RBM47: variants seen among roughly 807,000 people sequenced by gnomAD.
RBM47 encodes RNA-binding protein 47.
In RBM47, 21 loss-of-function variants were observed where a neutral mutation model predicts 47.1. The observed-to-expected ratio is 0.45, with a 90% CI of 0.32 to 0.64. The LOEUF is 0.64. RBM47 is among the 30% of genes least tolerant of loss of function. The pLI is 0.05. For synonymous variants in RBM47, 375 were observed against 361.7 expected, an observed-to-expected ratio of 1.04 and a Z score of -0.42; for missense variants, 708 against 870.9, an observed-to-expected ratio of 0.81 and a Z score of 2.35.
intron 2 of RBM47, among the ~76,000 whole-genome samples, chr4:40,527,670 C>T (rs375527453): frequency 6.0e-5 from 9 of 150,866 alleles, no homozygotes; most frequent in South Asian, 2.1e-4. Flanking sequence ...CAACTGGTAA[C>T]GCCCGCCTCA....
Position 40,623,583 on chromosome 4 carries a change from G to A in RBM47, c.-240+5813C>T, listed in dbSNP as rs150885002. Among the ~76,000 whole-genome samples, 852 of 151,856 alleles carry A rather than the reference G, an allele frequency of 5.6e-3. 9 individuals are homozygous for A. Among genetic ancestry groups the A allele is most frequent in the African/African-American group, 0.02 (814 of 41,398 alleles). On this transcript the variant is annotated intron_variant, in intron 1 of 6. Transcript: ENST00000295971. ...GGCTAGTCACAGGCGCAATCATAAC[G>A]TACTAAAGCCTTGAGCGCCTGTCAT...
At chr4:40,510,802 T>G (rs1292923293) in intron 2 of RBM47, among the ~76,000 whole-genome samples, 1 of 152,186 alleles carries the variant, frequency 6.6e-6, no homozygotes, top group Non-Finnish European at 1.5e-5. Flanking sequence ...ACGGGCATGA[T>G]GGCTCACACC....
At chr4:40,522,895 C>A (rs898695685) in intron 2 of RBM47, among the ~76,000 whole-genome samples, 3 of 149,800 alleles carry the variant, frequency 2.0e-5, no homozygotes, top group African/African-American at 7.4e-5. Context: ...ATTTTAATTT[C>A]TAATGCAGTA....
chr4:40,486,375 A>G (rs909982551), intron 2 of RBM47, among the ~76,000 whole-genome samples: 2 of 152,248 alleles, frequency 1.3e-5, no homozygotes, highest in African/African-American at 4.8e-5. Flanking sequence ...AGATATCAGC[A>G]GGCAGTTTGC....
chr4:40,598,177 G>A (rs538112944), intron 1 of RBM47, among the ~76,000 whole-genome samples: 18 of 152,112 alleles, frequency 1.2e-4, no homozygotes, highest in Admixed American at 8.5e-4. Flanking sequence ...GAATTTTGCC[G>A]CAATGTCTAA....
intron 1 of RBM47, among the ~76,000 whole-genome samples, chr4:40,550,289 G>C (rs1487903966): frequency 6.6e-6 from 1 of 152,182 alleles, no homozygotes; most frequent in Non-Finnish European, 1.5e-5. Context: ...GGGCCTTCGA[G>C]GGGAGACTGA....
chr4:40,603,465 C>G (rs1012155499), intron 1 of RBM47, among the ~76,000 whole-genome samples: 1 of 152,026 alleles, frequency 6.6e-6, no homozygotes, highest in African/African-American at 2.4e-5. Flanking sequence ...GAGTATATAA[C>G]CTAGGAGTGG....
At chr4:40,430,809 G>C (rs1715868372) in intron 6 of RBM47, among the ~76,000 whole-genome samples, 1 of 152,198 alleles carries the variant, frequency 6.6e-6, no homozygotes, top group Non-Finnish European at 1.5e-5. Flanking sequence ...TTTAAAAAAT[G>C]TAGGCAACGG....
chr4:40,478,508 T>G (rs912791627), intron 2 of RBM47, among the ~76,000 whole-genome samples: 1 of 151,900 alleles, frequency 6.6e-6, no homozygotes, highest in African/African-American at 2.4e-5. Flanking sequence ...AGCTCTGAGG[T>G]AGATTTGGAA....
chr4:40,477,816 CAA>C (rs1719830375), intron 2 of RBM47, among the ~76,000 whole-genome samples: 2 of 151,926 alleles, frequency 1.3e-5, no homozygotes, highest in Non-Finnish European at 2.9e-5. Context: ...TGGCTTTGAA[CAA>C]AGTTAATTTA....
intron 3 of RBM47, among the ~76,000 whole-genome samples, chr4:40,451,985 C>T (rs1056628578): frequency 6.6e-6 from 1 of 152,166 alleles, no homozygotes; most frequent in Non-Finnish European, 1.5e-5. Flanking sequence ...GCCTGGCCAA[C>T]ATGGCAAAAC....
chr4:40,595,773 C>T (rs960067079), intron 1 of RBM47, among the ~76,000 whole-genome samples: 3 of 151,926 alleles, frequency 2.0e-5, no homozygotes, highest in African/African-American at 4.8e-5. Context: ...GGCATGGTGG[C>T]GTGTGCCTAT....
At chr4:40,507,644 G>A (rs552962152) in intron 2 of RBM47, among the ~76,000 whole-genome samples, 38 of 151,994 alleles carry the variant, frequency 2.5e-4, no homozygotes, top group Middle Eastern at 3.4e-3. Flanking sequence ...AAAATTAGCC[G>A]GGCGTGGTGG....
chr4:40,486,193 A>G (rs1721069477), intron 2 of RBM47, among the ~76,000 whole-genome samples: 1 of 152,042 alleles, frequency 6.6e-6, no homozygotes, highest in Non-Finnish European at 1.5e-5. Context: ...ATTGGTCCCA[A>G]TCACTCTTCC....
At chr4:40,485,145 C>T (rs1720908213) in intron 2 of RBM47, among the ~76,000 whole-genome samples, 3 of 152,312 alleles carry the variant, frequency 2.0e-5, no homozygotes, top group African/African-American at 7.2e-5. Flanking sequence ...CCTTTTCTCA[C>T]CACCCAGTGC....
intron 1 of RBM47, among the ~76,000 whole-genome samples, chr4:40,581,106 G>A (rs1011945237): frequency 1.3e-5 from 2 of 152,294 alleles, no homozygotes; most frequent in Non-Finnish European, 1.5e-5. Context: ...AGCCATAGGA[G>A]GGAGCTTGGG....
chr4:40,492,854 G>T (rs936269271), intron 2 of RBM47, among the ~76,000 whole-genome samples: 2 of 152,074 alleles, frequency 1.3e-5, no homozygotes, highest in Non-Finnish European at 2.9e-5. Flanking sequence ...CTGGAGCATT[G>T]CTTAACTGAG....
intron 1 of RBM47, among the ~76,000 whole-genome samples, chr4:40,575,967 C>T (rs918741390): frequency 6.6e-6 from 1 of 152,200 alleles, no homozygotes; most frequent in African/African-American, 2.4e-5. Flanking sequence ...TGGGGGCCTG[C>T]CAGTGCTGGT....
At chr4:40,481,645 A>G (rs1163399733) in intron 2 of RBM47, among the ~76,000 whole-genome samples, 1 of 150,406 alleles carries the variant, frequency 6.6e-6, no homozygotes, top group Non-Finnish European at 1.5e-5. Flanking sequence ...TCTGCCTCCC[A>G]GGTTCAAGCA....
Sources: allele counts gnomAD v4.1 joint callset (sites outside exome capture counted in the v4.1 genomes callset), GRCh38; gene constraint gnomAD v4.1.1; transcripts MANE v1.5; gene names NCBI Gene and HGNC (gene_info 2026-07-23, HGNC 2026-07-21).